FER: variants seen among roughly 807,000 people sequenced by gnomAD.
FER encodes FER tyrosine kinase.
In FER, 63 loss-of-function variants were observed where a neutral mutation model predicts 111.0. That is an observed-to-expected ratio of 0.57 (90% CI 0.46 to 0.70). The LOEUF is 0.70. Ranked by LOEUF, FER falls within the 30% of genes least tolerant of loss-of-function variation. FER has a pLI of 0.00. For synonymous variants in FER, 327 were observed against 313.9 expected, an observed-to-expected ratio of 1.04 and a Z score of -0.44; for missense variants, 914 against 954.0, an observed-to-expected ratio of 0.96 and a Z score of 0.55.
At chr5:108,779,214 A>T (rs1753792843) in intron 2 of FER, among the ~76,000 whole-genome samples, 1 of 152,002 alleles carries the variant, frequency 6.6e-6, no homozygotes, top group Admixed American at 6.6e-5. Context: ...CTGTAACTTT[A>T]TTGTAAGTCT....
At chr5:108,866,480 A>ACT (rs1764077215) in intron 5 of FER, among the ~76,000 whole-genome samples, 1 of 152,180 alleles carries the variant, frequency 6.6e-6, no homozygotes, top group Non-Finnish European at 1.5e-5. Flanking sequence ...GATATACCTA[A>ACT]TGTTAAATGA....
chr5:109,145,035 G>C (rs1422028724), intron 17 of FER, among the ~76,000 whole-genome samples: 1 of 142,574 alleles, frequency 7.0e-6, no homozygotes, highest in Non-Finnish European at 1.6e-5. Context: ...TTCTTTAGTT[G>C]TTTTTTTTTT....
intron 2 of FER, among the ~76,000 whole-genome samples, chr5:108,772,623 T>C (rs1177916273): frequency 6.6e-6 from 1 of 152,224 alleles, no homozygotes; most frequent in Non-Finnish European, 1.5e-5. Context: ...TCCAAGCTTT[T>C]TTTTCCTCAA....
At chr5:109,023,488 A>G (rs79439785) in intron 13 of FER, among the ~76,000 whole-genome samples, 6,927 of 152,074 alleles carry the variant, frequency 0.046, 252 homozygotes, top group South Asian at 0.11. Flanking sequence ...AACATACCAC[A>G]TGCTTCTTAT....
At chr5:109,067,757 A>T (rs984641137) in intron 16 of FER, among the ~76,000 whole-genome samples, 2 of 152,100 alleles carry the variant, frequency 1.3e-5, no homozygotes, top group African/African-American at 4.8e-5. Flanking sequence ...GAATATCTAA[A>T]TAGATATGGT....
chr5:109,153,007 A>G (rs565219916), intron 17 of FER, among the ~76,000 whole-genome samples: 2 of 151,914 alleles, frequency 1.3e-5, no homozygotes, highest in African/African-American at 4.8e-5. Flanking sequence ...GGAAGAAGAT[A>G]CCATAGCTAT....
intron 13 of FER, among the ~76,000 whole-genome samples, chr5:108,963,948 G>A (rs1358627389): frequency 1.3e-5 from 2 of 151,874 alleles, no homozygotes; most frequent in East Asian, 3.9e-4. Context: ...ATTTTATAGA[G>A]GCTTATAATA....
intron 13 of FER, among the ~76,000 whole-genome samples, chr5:109,031,716 A>G (rs998348222): frequency 1.3e-5 from 2 of 152,124 alleles, no homozygotes; most frequent in African/African-American, 4.8e-5. Context: ...CTTTTGCCAA[A>G]GTTATTTTCT....
At chr5:109,118,194 C>T (rs1039922580) in intron 17 of FER, among the ~76,000 whole-genome samples, 3 of 152,082 alleles carry the variant, frequency 2.0e-5, no homozygotes, top group East Asian at 1.9e-4. Flanking sequence ...ATACCTAATT[C>T]ATTGAGAGTT....
chr5:108,975,733 T>C lies in FER; in HGVS notation c.1656+16386T>C, dbSNP rs1014844519. ...GTAAATTTGGGTTTTAGAGAATGAT[T>C]AGGTATTTGTGGGGGTGTTGATTGC... is the stretch of plus-strand genomic sequence containing the variant. On this transcript the variant is annotated intron_variant, in intron 13 of 19. Coordinates refer to ENST00000281092, the MANE Select transcript of FER (RefSeq NM_005246.4). Among the ~76,000 whole-genome samples the C allele has an allele frequency of 2.0e-5, 3 of 152,272 alleles. No individual in the cohort carries two copies. In the East Asian group the frequency reaches 5.8e-4, roughly 29 times the overall value.
intron 8 of FER, among the ~76,000 whole-genome samples, chr5:108,881,613 G>C (rs1173827003): frequency 6.6e-6 from 1 of 152,130 alleles, no homozygotes; most frequent in Non-Finnish European, 1.5e-5. Flanking sequence ...AGATATGGAG[G>C]CTGGGAAGCC....
At chr5:108,782,404 C>A (rs1433056117) in intron 2 of FER, among the ~76,000 whole-genome samples, 1 of 151,952 alleles carries the variant, frequency 6.6e-6, no homozygotes, top group Non-Finnish European at 1.5e-5. Context: ...TCTTACATGC[C>A]CAGTAGAAGC....
At chr5:109,162,452 C>G (rs1756092636) in intron 17 of FER, among the ~76,000 whole-genome samples, 1 of 151,980 alleles carries the variant, frequency 6.6e-6, no homozygotes, top group African/African-American at 2.4e-5. Flanking sequence ...CCATCTAGAT[C>G]CTGTTTGTAT....
chr5:108,775,168 T>C (rs780364304), intron 2 of FER, among the ~76,000 whole-genome samples: 1 of 152,218 alleles, frequency 6.6e-6, no homozygotes, highest in African/African-American at 2.4e-5. Flanking sequence ...CCATTGCTTG[T>C]TTTTGTCAGG....
intron 5 of FER, among the ~76,000 whole-genome samples, chr5:108,840,982 C>T (rs907474868): frequency 6.6e-6 from 1 of 152,078 alleles, no homozygotes; most frequent in African/African-American, 2.4e-5. Context: ...ACGTTAACAG[C>T]CCATCATTTG....
At chr5:108,897,936 C>T (rs1749393730) in intron 10 of FER, 88 bp downstream of exon 10, 1 of 1,180,256 alleles carries the variant, frequency 8.5e-7, no homozygotes, top group Non-Finnish European at 1.2e-6. Flanking sequence ...TTTGCTATAA[C>T]AAATTGTTAC....
chr5:108,757,104 C>G (rs569784408), intron 1 of FER, among the ~76,000 whole-genome samples: 200 of 152,282 alleles, frequency 1.3e-3, no homozygotes, highest in African/African-American at 4.3e-3. Flanking sequence ...GTTTCATACT[C>G]TAAACCTGAA....
At chr5:109,108,174 C>T (rs1749175440) in intron 17 of FER, among the ~76,000 whole-genome samples, 1 of 152,030 alleles carries the variant, frequency 6.6e-6, no homozygotes, top group Non-Finnish European at 1.5e-5. Flanking sequence ...CCTTATATTT[C>T]TATGAGATTG....
At chr5:109,095,268 G>A (rs1458403871) in intron 16 of FER, among the ~76,000 whole-genome samples, 3 of 152,014 alleles carry the variant, frequency 2.0e-5, no homozygotes, top group Non-Finnish European at 4.4e-5. Context: ...TTTAAAGAAG[G>A]AAAAGGAATC....
Sources: gnomAD v4.1 joint callset for allele counts (sites outside exome capture counted in the v4.1 genomes callset) on GRCh38, gnomAD v4.1.1 for gene constraint, MANE v1.5 for transcripts, NCBI Gene and HGNC (gene_info 2026-07-23, HGNC 2026-07-21) for gene names.